CORO2B: variants seen among roughly 807,000 people sequenced by gnomAD.
The protein encoded by CORO2B is coronin 2B, also known as coronin-2B.
In CORO2B, 26 loss-of-function variants were observed where a neutral mutation model predicts 58.8. The ratio of observed to expected loss-of-function variants is 0.44; its 90% CI spans 0.32 to 0.61. The LOEUF is 0.61. Among genes scored for constraint, CORO2B ranks in the 20% least tolerant of loss-of-function variants. CORO2B has a pLI of 0.04. For missense variants in CORO2B, 460 were observed against 645.1 expected (o/e 0.71, Z 3.11); for synonymous variants, 242 against 253.8 (o/e 0.95, Z 0.44).
chr15:68,570,801 T>TTTC, the CORO2B span, among the ~76,000 whole-genome samples: 1 of 128,336 alleles, frequency 7.8e-6, no homozygotes, highest in East Asian at 2.1e-4. Context: ...TACACGTAGT[T>TTTC]TTTTTTTTTT....
upstream of CORO2B, among the ~76,000 whole-genome samples, chr15:68,575,176 A>G (rs1402643451): frequency 6.6e-6 from 1 of 152,088 alleles, no homozygotes; most frequent in Non-Finnish European, 1.5e-5. Context: ...CCTGAAGTGC[A>G]AGAAGGTAAT....
intron 4 of CORO2B, among the ~76,000 whole-genome samples, chr15:68,711,275 G>A (rs527356364): frequency 1.6e-4 from 25 of 152,202 alleles, no homozygotes; most frequent in Admixed American, 3.3e-4. Context: ...GACCACATGG[G>A]ACCTGACAAG....
intron 2 of CORO2B, among the ~76,000 whole-genome samples, chr15:68,678,555 T>C (rs892514804): frequency 6.6e-6 from 1 of 152,160 alleles, no homozygotes; most frequent in Non-Finnish European, 1.5e-5. Context: ...GTGCCTGTTA[T>C]CCCAGCTACT....
At chr15:68,633,546 C>T (rs1200470930) in intron 1 of CORO2B, among the ~76,000 whole-genome samples, 1 of 151,632 alleles carries the variant, frequency 6.6e-6, no homozygotes, top group Non-Finnish European at 1.5e-5. Flanking sequence ...CACACACACA[C>T]TCACTCCTTG....
intron 1 of CORO2B, among the ~76,000 whole-genome samples, chr15:68,590,918 G>A (rs916035013): frequency 2.6e-5 from 4 of 152,138 alleles, no homozygotes; most frequent in African/African-American, 4.8e-5. Context: ...ATGCAGGGCC[G>A]GCCGCCTTCC....
the CORO2B span, among the ~76,000 whole-genome samples, chr15:68,542,904 T>G: frequency 6.6e-6 from 1 of 152,220 alleles, no homozygotes; most frequent in Non-Finnish European, 1.5e-5. Context: ...TTGTTATCTC[T>G]GCTCTAGCTC....
intron 11 of CORO2B, among the ~76,000 whole-genome samples, chr15:68,723,709 C>G (rs1394938236): frequency 6.6e-6 from 1 of 152,092 alleles, no homozygotes; most frequent in African/African-American, 2.4e-5. Context: ...ACCTTGGCCT[C>G]CTAAAGTACT....
chr15:68,568,625 T>C, the CORO2B span, among the ~76,000 whole-genome samples: 3 of 152,196 alleles, frequency 2.0e-5, no homozygotes, highest in Non-Finnish European at 4.4e-5. Context: ...CATCCTACCA[T>C]TTACAACTTC....
chr15:68,708,359 T>TC (rs1160701507), intron 3 of CORO2B, among the ~76,000 whole-genome samples: 7 of 137,144 alleles, frequency 5.1e-5, no homozygotes, highest in Non-Finnish European at 9.5e-5. Context: ...TTTTTCTTCT[T>TC]TTTTTTTTTT....
chr15:68,689,142 C>T (rs1892295098), intron 2 of CORO2B, among the ~76,000 whole-genome samples: 1 of 152,124 alleles, frequency 6.6e-6, no homozygotes, highest in South Asian at 2.1e-4. Flanking sequence ...TGGACTTGTT[C>T]TGTGAGCCCT....
chr15:68,719,924 C>T (rs915383106), intron 11 of CORO2B, among the ~76,000 whole-genome samples: 4 of 152,222 alleles, frequency 2.6e-5, no homozygotes, highest in Non-Finnish European at 5.9e-5. Flanking sequence ...GGCGTTGCAG[C>T]AGTGCTGGAG....
chr15:68,598,093 G>A (rs1899886342), intron 1 of CORO2B, among the ~76,000 whole-genome samples: 1 of 152,230 alleles, frequency 6.6e-6, no homozygotes, highest in Non-Finnish European at 1.5e-5. Context: ...CCACCACCTG[G>A]ATCATCCACC....
chr15:68,642,181 T>C (rs905836168), intron 1 of CORO2B, among the ~76,000 whole-genome samples: 2 of 151,904 alleles, frequency 1.3e-5, no homozygotes, highest in African/African-American at 4.8e-5. Flanking sequence ...GGATTACAGG[T>C]GCCTGCCACC....
intron 4 of CORO2B, 80 bp from the exon 5 acceptor site, chr15:68,711,462 C>G: frequency 1.5e-6 from 2 of 1,310,784 alleles, no homozygotes; most frequent in Non-Finnish European, 1.0e-6. Context: ...TCTCCCAGGG[C>G]AGTCAAGTGT....
chr15:68,650,612 A>G (rs111694330), intron 2 of CORO2B, among the ~76,000 whole-genome samples: 4,214 of 152,298 alleles, frequency 0.028, 199 homozygotes, highest in African/African-American at 0.097. Flanking sequence ...CTCCGTCTCA[A>G]AAACAAAAAC....
intron 1 of CORO2B, among the ~76,000 whole-genome samples, chr15:68,644,533 G>C (rs1458698258): frequency 1.3e-5 from 2 of 152,168 alleles, no homozygotes; most frequent in Non-Finnish European, 2.9e-5. Flanking sequence ...GCCCTACTTA[G>C]CTGTGTAGCC....
the CORO2B span, among the ~76,000 whole-genome samples, chr15:68,519,843 T>C: frequency 6.6e-6 from 1 of 152,254 alleles, no homozygotes; most frequent in African/African-American, 2.4e-5. Context: ...CAAGCATAGC[T>C]TTAGCTGTAT....
At chr15:68,573,377 T>G in the CORO2B span, among the ~76,000 whole-genome samples, 1 of 148,422 alleles carries the variant, frequency 6.7e-6, no homozygotes, top group Non-Finnish European at 1.5e-5. Flanking sequence ...AGGGTGGAAA[T>G]AAGCAGATCT....
At chr15:68,542,197 A>G in the CORO2B span, among the ~76,000 whole-genome samples, 1 of 152,168 alleles carries the variant, frequency 6.6e-6, no homozygotes, top group Non-Finnish European at 1.5e-5. Flanking sequence ...TCCAAATTTG[A>G]TCCTATCATA....
Sources: allele counts gnomAD v4.1 joint callset (sites outside exome capture counted in the v4.1 genomes callset), GRCh38; gene constraint gnomAD v4.1.1; transcripts MANE v1.5; gene names NCBI Gene and HGNC (gene_info 2026-07-23, HGNC 2026-07-21).